The following TRIP12 variants were observed in gnomAD, a reference collection of about 807,000 sequenced individuals.
The protein encoded by TRIP12 is thyroid hormone receptor interactor 12, also known as E3 ubiquitin-protein ligase TRIP12.
TRIP12 carries 25 observed loss-of-function variants against 244.2 expected under a neutral mutation model. That is an observed-to-expected ratio of 0.10 (90% confidence interval 0.07 to 0.14). The LOEUF (loss-of-function observed/expected upper bound fraction) is 0.14, where lower values mean the gene tolerates loss of function less well. Among genes scored for constraint, TRIP12 ranks in the 10% least tolerant of loss-of-function variants. The pLI is 1.00. For synonymous variants in TRIP12, 905 were observed against 873.1 expected (o/e 1.04, Z -0.64); for missense variants, 1,677 against 2,486.4 (o/e 0.67, Z 6.92).
chr2:229,891,867 G>A (rs1300043138), intron 1 of TRIP12, among the ~76,000 whole-genome samples: 2 of 152,128 alleles, frequency 1.3e-5, no homozygotes, highest in East Asian at 1.9e-4. Context: ...ATGTAATCAC[G>A]ATGGTCACTG....
intron 1 of TRIP12, among the ~76,000 whole-genome samples, chr2:229,886,159 T>C (rs1459499211): frequency 1.3e-5 from 2 of 152,196 alleles, no homozygotes; most frequent in African/African-American, 4.8e-5. Context: ...TCAGCAGTTT[T>C]GTATGGTATA....
At position 229,886,398 on chromosome 2, in the gene TRIP12, A is replaced by G. The variant is rs138979583; in HGVS notation, c.-49-6270T>C. Reference sequence around the variant, plus strand: ...TACGTTAGGGTCTGTTAGGCACTGAATGCAATTTATGGGCATCAAAACCAT... The same window carrying G: ...TACGTTAGGGTCTGTTAGGCACTGAGTGCAATTTATGGGCATCAAAACCAT... On this transcript the variant is annotated intron_variant, in intron 1 of 41. Transcript: ENST00000675903. Among the ~76,000 whole-genome samples the G allele has an allele frequency of 1.6e-4, 25 of 152,286 alleles. No homozygotes were observed. In the East Asian group the frequency reaches 4.8e-3, roughly 29 times the overall value.
chr2:229,796,254 GAACT>G (rs1298429898), intron 25 of TRIP12, among the ~76,000 whole-genome samples: 1 of 152,124 alleles, frequency 6.6e-6, no homozygotes, highest in Non-Finnish European at 1.5e-5. Flanking sequence ...TCACTAAAAG[GAACT>G]AATACAAACT....
At position 229,914,195 on chromosome 2, in the gene TRIP12, ACT is replaced by A. The variant is rs1230976111; in HGVS notation, c.-50+7683_-50+7684del. On this transcript the variant is annotated intron_variant, in intron 1 of 41. Transcript: ENST00000675903. ...ACTCCAGCCTGGGCGGCAAAGCAAAACTCTGCCTCAAAAAATAAAAATAATAA... is the reference window on the plus strand; with the variant it reads ...ACTCCAGCCTGGGCGGCAAAGCAAAACTGCCTCAAAAAATAAAAATAATAA... Among the ~76,000 whole-genome samples the A allele has an allele frequency of 2.0e-5, 3 of 151,974 alleles. No homozygotes were observed. In the East Asian group the frequency reaches 5.8e-4, roughly 29 times the overall value.
chr2:229,851,255 G>A (rs1419089991), intron 4 of TRIP12, among the ~76,000 whole-genome samples: 1 of 152,062 alleles, frequency 6.6e-6, no homozygotes, highest in Non-Finnish European at 1.5e-5. Flanking sequence ...TCTAGCTCAA[G>A]GTTTGTAAAC....
chr2:229,874,563 A>C (rs1031068057), intron 2 of TRIP12, among the ~76,000 whole-genome samples: 1 of 152,200 alleles, frequency 6.6e-6, no homozygotes, highest in Non-Finnish European at 1.5e-5. Context: ...GAGCCACTTT[A>C]AATTACCTCA....
intron 4 of TRIP12, among the ~76,000 whole-genome samples, chr2:229,851,868 G>T (rs939220258): frequency 6.6e-6 from 1 of 152,292 alleles, no homozygotes; most frequent in African/African-American, 2.4e-5. Flanking sequence ...CTTAAGAGCT[G>T]TAACACTCAC....
chr2:229,793,582 T>C (rs1009983601), intron 26 of TRIP12, among the ~76,000 whole-genome samples: 2 of 152,226 alleles, frequency 1.3e-5, no homozygotes, highest in African/African-American at 4.8e-5. Flanking sequence ...CAATATTACA[T>C]TAAAAACTAA....
chr2:229,833,212 A>G (rs527728642), intron 6 of TRIP12, among the ~76,000 whole-genome samples: 11 of 152,388 alleles, frequency 7.2e-5, no homozygotes, highest in Admixed American at 2.6e-4. Context: ...TAAAACCTAT[A>G]GAAGAACATA....
At chr2:229,851,009 G>A (rs972645644) in intron 4 of TRIP12, among the ~76,000 whole-genome samples, 12 of 152,344 alleles carry the variant, frequency 7.9e-5, no homozygotes, top group African/African-American at 2.9e-4. Flanking sequence ...CCACCTCCGT[G>A]GGCTCCTGTG....
intron 34 of TRIP12, among the ~76,000 whole-genome samples, chr2:229,784,304 G>A (rs183039250): frequency 2.3e-4 from 35 of 151,060 alleles, no homozygotes; most frequent in Admixed American, 1.1e-3. Context: ...GAAAAAGAAC[G>A]GTCTTTTCAG....
At chr2:229,814,142 A>C (rs997506994) in intron 12 of TRIP12, 91 bp downstream of exon 12, 2 of 1,532,008 alleles carry the variant, frequency 1.3e-6, no homozygotes, top group African/African-American at 2.8e-5. Flanking sequence ...TTTGTATCTT[A>C]CAAAAACTGC....
chr2:229,814,087 T>C (rs2047914303), intron 12 of TRIP12, 56 bp from the exon 13 acceptor site: 4 of 1,523,212 alleles, frequency 2.6e-6, no homozygotes, highest in Non-Finnish European at 3.6e-6. Flanking sequence ...CAATAAAAAA[T>C]AATTTAACTC....
chr2:229,805,031 G>C (rs1372767179), intron 18 of TRIP12, among the ~76,000 whole-genome samples: 3 of 152,000 alleles, frequency 2.0e-5, no homozygotes, highest in African/African-American at 7.3e-5. Flanking sequence ...TCAGCCTCCT[G>C]AGTAGCTGGG....
At position 229,830,624 on chromosome 2, in the gene TRIP12, T is replaced by A. The variant is rs543773586; in HGVS notation, c.1354+132A>T. ...AAATCATGAAATTGCTACTAAAAAT[T>A]TTTTTTTCTTGGAGGTGCAGGCACT... On this transcript the variant is annotated intron_variant, in intron 7 of 41. Coordinates refer to ENST00000675903, the MANE Select transcript of TRIP12 (RefSeq NM_001348323.3). 7.8e-5 allele frequency: 54 copies of A among 691,444 alleles called. 1 individual carries two copies. The highest frequency in any genetic ancestry group is 7.7e-4 in the African/African-American group (42 of 54,322). The allele number at this position is 691,444 out of a possible 1,614,324, so 42.8% of individuals were successfully genotyped here.
intron 16 of TRIP12, 140 bp downstream of exon 16, chr2:229,808,112 G>A (rs931272181): frequency 1.7e-5 from 12 of 709,040 alleles, no homozygotes; most frequent in South Asian, 7.6e-5. Flanking sequence ...GATTACAGGC[G>A]CCCGCCACTA....
At chr2:229,919,092 T>C (rs551957568) in intron 1 of TRIP12, among the ~76,000 whole-genome samples, 12 of 152,260 alleles carry the variant, frequency 7.9e-5, no homozygotes, top group Admixed American at 6.5e-5. Flanking sequence ...TAAAACCTTG[T>C]CTAGATAACA....
At chr2:229,783,412 C>G (rs1054837262) in intron 34 of TRIP12, among the ~76,000 whole-genome samples, 1 of 152,054 alleles carries the variant, frequency 6.6e-6, no homozygotes, top group African/African-American at 2.4e-5. Flanking sequence ...CTACAATAAT[C>G]GTAAGTGATT....
intron 34 of TRIP12, among the ~76,000 whole-genome samples, chr2:229,782,402 C>T (rs145037127): frequency 6.6e-6 from 1 of 152,112 alleles, no homozygotes; most frequent in Admixed American, 6.5e-5. Flanking sequence ...CCTCAATCTT[C>T]CTGTTCTCTT....
Sources: gnomAD v4.1 joint callset for allele counts (sites outside exome capture counted in the v4.1 genomes callset) on GRCh38, gnomAD v4.1.1 for gene constraint, MANE v1.5 for transcripts, NCBI Gene and HGNC (gene_info 2026-07-23, HGNC 2026-07-21) for gene names.